CYTH3: variants seen among roughly 807,000 people sequenced by gnomAD.
CYTH3 encodes the protein cytohesin 3, also known as cytohesin-3.
CYTH3 carries 23 observed loss-of-function variants against 55.1 expected under a neutral mutation model. That is an observed-to-expected ratio of 0.42 (90% CI 0.30 to 0.59). The LOEUF (loss-of-function observed/expected upper bound fraction) is 0.59, where lower values mean the gene tolerates loss of function less well. Among genes scored for constraint, CYTH3 ranks in the 20% least tolerant of loss-of-function variants. CYTH3 has a pLI of 0.20. For synonymous variants in CYTH3, 249 were observed against 194.9 expected, an observed-to-expected ratio of 1.28 and a Z score of -2.31; for missense variants, 413 against 524.8, an observed-to-expected ratio of 0.79 and a Z score of 2.08.
At chr7:6,187,596 T>G in intron 3 of CYTH3, 61 bp downstream of exon 3, 1 of 1,464,672 alleles carries the variant, frequency 6.8e-7, no homozygotes, top group Non-Finnish European at 9.6e-7. Flanking sequence ...CAAGTTTGAC[T>G]ACAGGATGGA....
chr7:6,253,306 C>A (rs915439240), intron 1 of CYTH3, among the ~76,000 whole-genome samples: 3 of 151,606 alleles, frequency 2.0e-5, no homozygotes, highest in Non-Finnish European at 4.4e-5. Flanking sequence ...CAACCTCTGC[C>A]TCCTGGGTTC....
At chr7:6,180,081 A>T (rs1783467415) in intron 4 of CYTH3, among the ~76,000 whole-genome samples, 1 of 152,174 alleles carries the variant, frequency 6.6e-6, no homozygotes. Context: ...GCCGGTGGAG[A>T]AGCCAGGTGA....
intron 1 of CYTH3, among the ~76,000 whole-genome samples, chr7:6,271,666 A>T (rs1269493689): frequency 6.6e-6 from 1 of 152,012 alleles, no homozygotes; most frequent in African/African-American, 2.4e-5. Context: ...TTTCCAACAA[A>T]CACGATTCCT....
intron 1 of CYTH3, among the ~76,000 whole-genome samples, chr7:6,218,215 T>C (rs566091850): frequency 6.6e-6 from 1 of 152,242 alleles, no homozygotes; most frequent in East Asian, 1.9e-4. Flanking sequence ...GAGATGATTA[T>C]CCTGGATTAT....
chr7:6,187,808 G>C, intron 2 of CYTH3, 87 bp from the exon 3 acceptor site: 1 of 1,074,586 alleles, frequency 9.3e-7, no homozygotes, highest in Non-Finnish European at 1.5e-6. Context: ...CTTGTGACAA[G>C]CTTCCCTGCG....
At chr7:6,258,832 C>T (rs538231285) in intron 1 of CYTH3, among the ~76,000 whole-genome samples, 1 of 152,296 alleles carries the variant, frequency 6.6e-6, no homozygotes, top group Admixed American at 6.5e-5. Flanking sequence ...CTTGAATCAA[C>T]TATAAAAATA....
At chr7:6,190,276 T>C (rs1420660847) in intron 2 of CYTH3, among the ~76,000 whole-genome samples, 173 bp downstream of exon 2, 3 of 151,910 alleles carry the variant, frequency 2.0e-5, no homozygotes, top group Non-Finnish European at 2.9e-5. Flanking sequence ...AACTTTTCAC[T>C]CTGTCTCTTT....
At position 6,170,959 on chromosome 7, in the gene CYTH3, T is replaced by A. The variant is rs983288348; in HGVS notation, c.582A>T (p.Ser194=). 1 of 1,613,838 alleles carries A rather than the reference T, an allele frequency of 6.2e-7. No homozygotes were observed. Among genetic ancestry groups the A allele is most frequent in the African/African-American group, 1.3e-5 (1 of 74,932 alleles). Residue 194 remains serine (S), a synonymous_variant, in exon 8 of 13, where the codon TCA becomes TCT. Coordinates refer to ENST00000350796, the MANE Select transcript of CYTH3 (RefSeq NM_004227.4). The surrounding 1 kb of genome is among the most constrained non-coding windows in gnomAD (Gnocchi z 7.8). ...TGGTGTTGAGCATGATGATGGCGAA[T>A]GACAGCACGTAGCACGTGTCTGCAA... ...FQSTDTCYVL[S]FAIIMLNTSL...
intron 1 of CYTH3, among the ~76,000 whole-genome samples, chr7:6,230,113 C>A (rs559687904): frequency 2.2e-4 from 33 of 152,022 alleles, no homozygotes; most frequent in African/African-American, 8.0e-4. Context: ...CCAGCCTGGG[C>A]GACAGAGTGA....
intron 1 of CYTH3, among the ~76,000 whole-genome samples, chr7:6,258,384 G>C (rs913601501): frequency 1.3e-5 from 2 of 151,928 alleles, no homozygotes; most frequent in African/African-American, 4.8e-5. Flanking sequence ...ACTTCTTGCA[G>C]ACATCCCCCT....
intron 1 of CYTH3, among the ~76,000 whole-genome samples, chr7:6,221,691 T>C (rs1234916914): frequency 1.5e-5 from 2 of 134,716 alleles, no homozygotes; most frequent in Admixed American, 7.1e-5. Context: ...TACAAATTAG[T>C]TCAAAATGAA....
Position 6,190,676 on chromosome 7 carries a change from G to T in CYTH3, c.35-145C>A, listed in dbSNP as rs10258205. On this transcript the variant is annotated intron_variant, in intron 1 of 12. Coordinates refer to ENST00000350796, the MANE Select transcript of CYTH3 (RefSeq NM_004227.4). ...ATGCTCCCATTGAGACTGTATCTGA[G>T]ACACTCATAGGAGCGCTCTTTATAA... 1.0e-4 allele frequency: 62 copies of T among 606,272 alleles called. No individual in the cohort carries two copies. In the East Asian group the frequency reaches 1.4e-3, roughly 14 times the overall value. The allele number at this position is 606,272 out of a possible 1,614,324, so 37.6% of individuals were successfully genotyped here.
rs546388631 is a variant in CYTH3, at chr7:6,215,073, G to A, written c.35-24542C>T. 1.1e-3 allele frequency among the ~76,000 whole-genome samples: 172 copies of A among 152,314 alleles called. 2 individuals are homozygous for A. Among genetic ancestry groups the A allele is most frequent in the Non-Finnish European group, 1.2e-3 (80 of 68,030 alleles). On this transcript the variant is annotated intron_variant, in intron 1 of 12. Coordinates refer to ENST00000350796, the MANE Select transcript of CYTH3 (RefSeq NM_004227.4). ...GGGATAGGATGCCCTCTCTTCCTCTGAGAATTCTGTTACTTCAAGTGTTCT... is the reference window on the plus strand; with the variant it reads ...GGGATAGGATGCCCTCTCTTCCTCTAAGAATTCTGTTACTTCAAGTGTTCT...
At chr7:6,210,087 T>C (rs1265463223) in intron 1 of CYTH3, among the ~76,000 whole-genome samples, 1 of 152,208 alleles carries the variant, frequency 6.6e-6, no homozygotes, top group Non-Finnish European at 1.5e-5. Context: ...AAGGAAATGC[T>C]ATTGTAAACC....
At chr7:6,185,999 C>T (rs1783637597) in intron 4 of CYTH3, among the ~76,000 whole-genome samples, 2 of 151,914 alleles carry the variant, frequency 1.3e-5, no homozygotes, top group Admixed American at 1.3e-4. Context: ...AATCCCAGCA[C>T]TTTGGGAGGC....
intron 1 of CYTH3, among the ~76,000 whole-genome samples, chr7:6,206,927 C>A (rs1039758685): frequency 2.0e-5 from 3 of 152,022 alleles, no homozygotes; most frequent in African/African-American, 7.2e-5. Context: ...AGAGAGACTA[C>A]TAACTACAGA....
intron 1 of CYTH3, among the ~76,000 whole-genome samples, chr7:6,267,686 G>T (rs1780536367): frequency 6.6e-6 from 1 of 152,170 alleles, no homozygotes; most frequent in Non-Finnish European, 1.5e-5. Flanking sequence ...ACTATGCCCG[G>T]CTAATTTTTG....
At chr7:6,210,265 A>G (rs1784294671) in intron 1 of CYTH3, among the ~76,000 whole-genome samples, 1 of 152,188 alleles carries the variant, frequency 6.6e-6, no homozygotes. Context: ...AATTAGTTCT[A>G]AAAACTAAAG....
At chr7:6,211,670 A>C (rs761128166) in intron 1 of CYTH3, among the ~76,000 whole-genome samples, 1 of 152,118 alleles carries the variant, frequency 6.6e-6, no homozygotes, top group Non-Finnish European at 1.5e-5. Context: ...CAATTAAATT[A>C]TTATTGACTA....
Sources: gnomAD v4.1 joint callset for allele counts (sites outside exome capture counted in the v4.1 genomes callset) on GRCh38, gnomAD v4.1.1 for gene constraint, Gnocchi (gnomAD v3.1) non-coding constraint, MANE v1.5 for transcripts, NCBI Gene and HGNC (gene_info 2026-07-23, HGNC 2026-07-21) for gene names.